The following CFAP276 variants were observed in gnomAD, a reference collection of about 807,000 sequenced individuals.
The protein encoded by CFAP276 is cilia and flagella associated protein 276, also known as cilia- and flagella-associated protein 276.
the CFAP276 span, among the ~76,000 whole-genome samples, chr1:109,113,451 A>AGAGAGAGGGAGT: frequency 3.0e-3 from 357 of 119,916 alleles, 8 homozygotes; most frequent in African/African-American, 6.9e-3. Flanking sequence ...AGAGAGAGAG[A>AGAGAGAGGGAGT]GAGAGAGAGA....
the CFAP276 span, chr1:109,107,017 C>A: frequency 1.2e-6 from 2 of 1,613,150 alleles, no homozygotes; most frequent in Admixed American, 3.3e-5. Context: ...CTATAGGTAT[C>A]CTGCGTGGTT....
the CFAP276 span, chr1:109,107,073 T>C: frequency 1.2e-5 from 19 of 1,614,078 alleles, no homozygotes; most frequent in Non-Finnish European, 1.6e-5. Context: ...TGTCCCAGTG[T>C]GGTGGTTGTA....
the CFAP276 span, chr1:109,112,589 A>G: frequency 7.6e-5 from 117 of 1,549,540 alleles, no homozygotes; most frequent in Non-Finnish European, 9.9e-5. Context: ...TGCGCAAGAA[A>G]CCACAGTACC....
the CFAP276 span, chr1:109,106,464 C>A: frequency 7.1e-6 from 11 of 1,553,590 alleles, no homozygotes; most frequent in African/African-American, 1.5e-4. Context: ...ACCTTAAATC[C>A]CTGATTCATG....
the CFAP276 span, among the ~76,000 whole-genome samples, chr1:109,110,965 C>T: frequency 6.6e-6 from 1 of 152,204 alleles, no homozygotes; most frequent in Non-Finnish European, 1.5e-5. Context: ...GTCTCCAAGT[C>T]CTGTCAGTCC....
chr1:109,113,686 T>A, the CFAP276 span: 8 of 1,614,016 alleles, frequency 5.0e-6, no homozygotes, highest in Admixed American at 1.3e-4. Flanking sequence ...ATCTTCTTTC[T>A]CTCGGTTCAC....
At chr1:109,110,323 C>T in the CFAP276 span, among the ~76,000 whole-genome samples, 1 of 152,192 alleles carries the variant, frequency 6.6e-6, no homozygotes, top group African/African-American at 2.4e-5. Context: ...TCCTCACTCA[C>T]CATTCCCATA....
At chr1:109,108,089 C>T in the CFAP276 span, 6 of 1,340,534 alleles carry the variant, frequency 4.5e-6, no homozygotes, top group Non-Finnish European at 6.4e-6. Flanking sequence ...GGAAGCCTTG[C>T]TGATGTGGTT....
At chr1:109,107,055 T>C in the CFAP276 span, 4 of 1,614,204 alleles carry the variant, frequency 2.5e-6, no homozygotes, top group Non-Finnish European at 3.4e-6. Flanking sequence ...CTCACTTTTG[T>C]TCTTGAATGT....
the CFAP276 span, chr1:109,113,712 C>T: frequency 1.2e-6 from 2 of 1,612,744 alleles, no homozygotes; most frequent in African/African-American, 2.7e-5. Flanking sequence ...ACGTGTGCAA[C>T]ATCGGAGATG....
At chr1:109,107,969 G>A in the CFAP276 span, 2 of 1,602,986 alleles carry the variant, frequency 1.2e-6, no homozygotes, top group Non-Finnish European at 1.7e-6. Context: ...TAATTGTGGG[G>A]GTTGAGTTGA....
chr1:109,109,362 C>T, the CFAP276 span, among the ~76,000 whole-genome samples: 143 of 151,332 alleles, frequency 9.4e-4, no homozygotes, highest in Admixed American at 1.7e-3. Context: ...GAGGGAGAAT[C>T]GCTTGAACCC....
At chr1:109,113,415 AAAGAGAGAGAGAGAGAGAGAGAGAGAGAG>A in the CFAP276 span, among the ~76,000 whole-genome samples, 1 of 113,750 alleles carries the variant, frequency 8.8e-6, no homozygotes, top group African/African-American at 3.6e-5. Context: ...AGAGAGAGAG[AAAGAGAGAGAGAGAGAGAGAGAGAGAGAG>A]AGAGAGAGAG....
the CFAP276 span, among the ~76,000 whole-genome samples, chr1:109,113,467 A>AGAGAGAGAGAGGGG: frequency 7.9e-6 from 1 of 126,320 alleles, no homozygotes; most frequent in Admixed American, 8.4e-5. Flanking sequence ...AGAGAGAGAG[A>AGAGAGAGAGAGGGG]GGCCCACGTG....
the CFAP276 span, among the ~76,000 whole-genome samples, chr1:109,111,715 G>T: frequency 6.6e-6 from 1 of 151,986 alleles, no homozygotes; most frequent in Non-Finnish European, 1.5e-5. Flanking sequence ...TGCATATCTG[G>T]TTCCTGTTTC....
the CFAP276 span, chr1:109,112,480 C>T: frequency 8.7e-6 from 12 of 1,380,640 alleles, no homozygotes; most frequent in African/African-American, 1.5e-5. Flanking sequence ...ACAGACTTCC[C>T]TGGTACCCGA....
the CFAP276 span, chr1:109,107,859 C>T: frequency 3.1e-6 from 4 of 1,305,176 alleles, no homozygotes; most frequent in East Asian, 7.4e-5. Context: ...CCCTGGGTGA[C>T]AGGAAAAAAA....
At chr1:109,113,598 C>G in the CFAP276 span, 2 of 1,611,282 alleles carry the variant, frequency 1.2e-6, no homozygotes, top group African/African-American at 2.7e-5. Context: ...GATGTAAGAT[C>G]TCCAGGAGTG....
At chr1:109,112,939 T>C in the CFAP276 span, among the ~76,000 whole-genome samples, 2 of 152,154 alleles carry the variant, frequency 1.3e-5, no homozygotes, top group Non-Finnish European at 2.9e-5. Flanking sequence ...GGAATTGCAC[T>C]CCTGAGCCTC....
Sources: gnomAD v4.1 joint callset for allele counts (sites outside exome capture counted in the v4.1 genomes callset) on GRCh38, gnomAD v4.1.1 for gene constraint, MANE v1.5 for transcripts, NCBI Gene and HGNC (gene_info 2026-07-23, HGNC 2026-07-21) for gene names.